The following KSR2 variants were observed in gnomAD, a reference collection of about 807,000 sequenced individuals.
KSR2 encodes kinase suppressor of ras 2.
KSR2 carries 25 observed loss-of-function variants against 107.8 expected under a neutral mutation model. The ratio of observed to expected loss-of-function variants is 0.23; its 90% CI spans 0.17 to 0.32. The LOEUF is 0.32. KSR2 is among the 10% of genes least tolerant of loss of function. KSR2 has a pLI of 1.00. For missense variants in KSR2, 887 were observed against 1,268.9 expected (o/e 0.70, Z 4.57); for synonymous variants, 480 against 507.0 (o/e 0.95, Z 0.71).
chr12:117,818,557 G>A (rs913525797), intron 3 of KSR2, among the ~76,000 whole-genome samples: 3 of 152,226 alleles, frequency 2.0e-5, no homozygotes, highest in East Asian at 1.9e-4. Flanking sequence ...CTGGGAGAAC[G>A]CAGTGAATGA....
At chr12:117,673,534 G>C (rs1054354602) in intron 4 of KSR2, among the ~76,000 whole-genome samples, 7 of 152,090 alleles carry the variant, frequency 4.6e-5, no homozygotes, top group Non-Finnish European at 1.0e-4. Flanking sequence ...AGAGAGAATG[G>C]GAGTAAAAGA....
In KSR2 at chr12:117,667,643, G is replaced by C; in HGVS notation, c.1002C>G (p.Ser334Arg). 1 of 1,587,238 alleles carries C rather than the reference G, an allele frequency of 6.3e-7. No homozygotes were observed. Among genetic ancestry groups the C allele is most frequent in the South Asian group, 1.1e-5 (1 of 87,212 alleles). The change falls in exon 5 of 20, where the codon AGC (serine) becomes AGG (arginine). Residue 334 changes from serine (S) to arginine (R), a missense_variant. By Grantham distance (110) the Ser-to-Arg change is moderately radical. Transcript: ENST00000339824. Reference sequence around the variant, plus strand: ...TGTGGATCTTGAGGTTCAAGGGTTTGCTCTTCTTCTTGGCTCTGAAAGGGA... The same window carrying C: ...TGTGGATCTTGAGGTTCAAGGGTTTCCTCTTCTTCTTGGCTCTGAAAGGGA... ...EAHTPKAKKK[S>R]KPLNLKIHSS... is the part of the protein sequence containing the mutation.
intron 4 of KSR2, among the ~76,000 whole-genome samples, chr12:117,712,006 T>C (rs1886802611): frequency 6.6e-6 from 1 of 152,166 alleles, no homozygotes. Flanking sequence ...GGGGACTGCC[T>C]GCATGTGAGG....
chr12:117,527,578 G>A (rs1177874354), intron 12 of KSR2, among the ~76,000 whole-genome samples: 1 of 152,174 alleles, frequency 6.6e-6, no homozygotes, highest in Non-Finnish European at 1.5e-5. Context: ...TTCTTGGAAG[G>A]ATCTCAGTGT....
intron 3 of KSR2, among the ~76,000 whole-genome samples, chr12:117,770,054 CA>C (rs57470150): frequency 1.7e-3 from 235 of 137,520 alleles, no homozygotes; most frequent in Middle Eastern, 3.8e-3. Context: ...AACTCCATCT[CA>C]AAAAAAAAAA....
At chr12:117,497,109 C>T (rs1306426019) in intron 14 of KSR2, among the ~76,000 whole-genome samples, 2 of 151,922 alleles carry the variant, frequency 1.3e-5, no homozygotes, top group African/African-American at 4.8e-5. Context: ...AACTCCTGAC[C>T]TCAGGTGATC....
rs56169273 is a variant in KSR2 at position 117,637,675 on chromosome 12, G to GT, written c.1171+29798dup. Among the ~76,000 whole-genome samples, 270 of 92,078 alleles carry GT rather than the reference G, an allele frequency of 2.9e-3. 13 individuals carry two copies. Among genetic ancestry groups the GT allele is most frequent in the Non-Finnish European group, 4.6e-3 (234 of 50,606 alleles). The allele number at this position is 92,078 out of a possible 152,430, so 60.4% of individuals were successfully genotyped here. On this transcript the variant is annotated intron_variant, in intron 5 of 19. Transcript: ENST00000339824. ...AATGGGACCCAGCAGTCAGTTTTGG[G>GT]TTTTTTTTTTTTTTTTTTTTTTTTG...
At chr12:117,619,619 C>G (rs989062874) in intron 5 of KSR2, among the ~76,000 whole-genome samples, 1 of 151,154 alleles carries the variant, frequency 6.6e-6, no homozygotes, top group Admixed American at 6.6e-5. Context: ...CATTGTTGGA[C>G]ATTTGGGACA....
At chr12:117,612,821 T>C (rs1319866683) in intron 5 of KSR2, among the ~76,000 whole-genome samples, 1 of 152,162 alleles carries the variant, frequency 6.6e-6, no homozygotes, top group Non-Finnish European at 1.5e-5. Flanking sequence ...ATGGTGGCAG[T>C]TTCCCCCATT....
chr12:117,657,629 C>T (rs1370144706), intron 5 of KSR2, among the ~76,000 whole-genome samples: 7 of 152,170 alleles, frequency 4.6e-5, no homozygotes, highest in African/African-American at 1.4e-4. Context: ...CATCCAAATC[C>T]AGAGACTTCA....
intron 4 of KSR2, among the ~76,000 whole-genome samples, chr12:117,739,503 G>A (rs1888091168): frequency 6.6e-6 from 1 of 152,118 alleles, no homozygotes; most frequent in Admixed American, 6.5e-5. Flanking sequence ...TGCCCAAAAC[G>A]TCATTATGCA....
At position 117,968,230 on chromosome 12, in the gene KSR2, C is replaced by T. The variant is rs905132608; in HGVS notation, c.26G>A (p.Ser9Asn). ...CAAACTCAGAGGCTGCTGCTCCTCG[C>T]TTTTCGTCATGTTTTCCTCATCCAT... MDEENMTK[S>N]EEQQPLSLQK... Residue 9 changes from serine (S) to asparagine (N), a missense_variant, in exon 1 of 20, where the codon AGC becomes AAC. Coordinates refer to ENST00000339824, the MANE Select transcript of KSR2 (RefSeq NM_173598.6). 7.3e-7 allele frequency: 1 copy of T among 1,376,742 alleles called. No individual in the cohort carries two copies. Among genetic ancestry groups the T allele is most frequent in the East Asian group, 4.5e-5 (1 of 22,196 alleles). The allele number at this position is 1,376,742 out of a possible 1,614,324, so 85.3% of individuals were successfully genotyped here. A position where few individuals can be genotyped will look rare whatever the true frequency, so the allele number is the denominator to read the frequency against.
intron 16 of KSR2, 130 bp downstream of exon 16, chr12:117,484,286 G>T: frequency 2.0e-6 from 2 of 1,005,358 alleles, no homozygotes; most frequent in Non-Finnish European, 2.9e-6. Flanking sequence ...CAGTAGAGCA[G>T]CTGCCCCACT....
At chr12:117,676,215 G>A (rs907903316) in intron 4 of KSR2, among the ~76,000 whole-genome samples, 1 of 152,134 alleles carries the variant, frequency 6.6e-6, no homozygotes, top group Non-Finnish European at 1.5e-5. Context: ...GGCCACAGGC[G>A]ATAGCCCTCA....
At chr12:117,939,357 G>T (rs965139323) in intron 1 of KSR2, among the ~76,000 whole-genome samples, 1 of 152,164 alleles carries the variant, frequency 6.6e-6, no homozygotes, top group Non-Finnish European at 1.5e-5. Context: ...ACCATGACTT[G>T]ATCATTGGTG....
intron 3 of KSR2, among the ~76,000 whole-genome samples, chr12:117,833,955 C>T (rs1484733360): frequency 7.5e-6 from 1 of 133,958 alleles, no homozygotes; most frequent in Non-Finnish European, 1.6e-5. Flanking sequence ...ATGGTGAAAC[C>T]CTGTCTGTAC....
intron 5 of KSR2, among the ~76,000 whole-genome samples, chr12:117,646,807 G>A (rs1593088227): frequency 6.6e-6 from 1 of 152,120 alleles, no homozygotes; most frequent in Non-Finnish European, 1.5e-5. Context: ...CTTCTGAAGG[G>A]GCTTAGTCTT....
intron 5 of KSR2, among the ~76,000 whole-genome samples, chr12:117,584,959 G>C (rs1879900664): frequency 6.6e-6 from 1 of 152,184 alleles, no homozygotes; most frequent in Admixed American, 6.5e-5. Flanking sequence ...TCTTCCAGGA[G>C]CCCCCGCACC....
intron 4 of KSR2, among the ~76,000 whole-genome samples, chr12:117,733,257 C>T (rs1227831130): frequency 1.3e-5 from 2 of 152,144 alleles, no homozygotes; most frequent in Non-Finnish European, 2.9e-5. Flanking sequence ...CCATGCCGTA[C>T]CACACATGCA....
Sources: allele counts gnomAD v4.1 joint callset (sites outside exome capture counted in the v4.1 genomes callset), GRCh38; gene constraint gnomAD v4.1.1; transcripts MANE v1.5; gene names NCBI Gene and HGNC (gene_info 2026-07-23, HGNC 2026-07-21).